C12orf56: variants seen among roughly 807,000 people sequenced by gnomAD.
C12orf56 encodes uncharacterized protein C12orf56.
In C12orf56, 71 loss-of-function variants were observed where a neutral mutation model predicts 69.9. The ratio of observed to expected loss-of-function variants is 1.02; its 90% CI spans 0.84 to 1.24. C12orf56 has a LOEUF of 1.24. Among genes scored for constraint, C12orf56 ranks in the 50% most tolerant of loss-of-function variants. The probability of loss-of-function intolerance (pLI) is 0.00; values close to 1 mark genes in which losing one functional copy is unlikely to be tolerated. For synonymous variants in C12orf56, 276 were observed against 274.1 expected, an observed-to-expected ratio of 1.01 and a Z score of -0.07; for missense variants, 732 against 738.5, an observed-to-expected ratio of 0.99 and a Z score of 0.10.
At chr12:64,358,519 C>A (rs2039354859) in intron 1 of C12orf56, among the ~76,000 whole-genome samples, 1 of 88,838 alleles carries the variant, frequency 1.1e-5, no homozygotes, top group Admixed American at 1.3e-4. Flanking sequence ...CTTGGCCAGG[C>A]ATGATGGCTC....
chr12:64,360,154 G>A (rs750998839), intron 1 of C12orf56, among the ~76,000 whole-genome samples: 28 of 152,170 alleles, frequency 1.8e-4, no homozygotes, highest in Non-Finnish European at 2.8e-4. Context: ...GGCTGGGTGC[G>A]GTGGCTCACA....
At chr12:64,364,650 A>C (rs963917072) in intron 1 of C12orf56, among the ~76,000 whole-genome samples, 2 of 152,084 alleles carry the variant, frequency 1.3e-5, no homozygotes, top group Non-Finnish European at 2.9e-5. Context: ...GTTTGTACCT[A>C]GTTTCTCTTA....
At chr12:64,307,231 G>C (rs2038525387) in intron 5 of C12orf56, among the ~76,000 whole-genome samples, 1 of 151,902 alleles carries the variant, frequency 6.6e-6, no homozygotes, top group Non-Finnish European at 1.5e-5. Flanking sequence ...TTTTAAAAAA[G>C]AAATCCTAAA....
chr12:64,359,003 T>C (rs2039361113), intron 1 of C12orf56, among the ~76,000 whole-genome samples: 1 of 152,164 alleles, frequency 6.6e-6, no homozygotes, highest in African/African-American at 2.4e-5. Context: ...CTTCACCAGA[T>C]TATTTTAAGC....
In C12orf56 at chr12:64,379,371, G is replaced by A. The variant is rs140489551; in HGVS notation, c.252+10943C>T. 3.9e-3 allele frequency among the ~76,000 whole-genome samples: 595 copies of A among 150,912 alleles called. 4 individuals are homozygous for A. The highest frequency in any genetic ancestry group is 0.014 in the African/African-American group (563 of 41,122). ...CGCATCTCTGCTCACTGCAAGCTCC[G>A]CCTCTCGGGTTCACGCCATTCTCCT... On this transcript the variant is annotated intron_variant, in intron 1 of 12. Coordinates refer to ENST00000543942, the MANE Select transcript of C12orf56 (RefSeq NM_001170633.2).
chr12:64,355,532 C>A (rs2039299609), intron 1 of C12orf56, among the ~76,000 whole-genome samples: 1 of 151,854 alleles, frequency 6.6e-6, no homozygotes, highest in African/African-American at 2.4e-5. Flanking sequence ...ATAATGAAAT[C>A]ATTATTCTGA....
At chr12:64,316,326 G>A (rs1043502144) in intron 4 of C12orf56, among the ~76,000 whole-genome samples, 7 of 152,054 alleles carry the variant, frequency 4.6e-5, no homozygotes, top group Non-Finnish European at 4.4e-5. Flanking sequence ...TCTAATTCCT[G>A]AGCTCAGGTG....
At chr12:64,364,978 C>G (rs997626642) in intron 1 of C12orf56, among the ~76,000 whole-genome samples, 1 of 151,972 alleles carries the variant, frequency 6.6e-6, no homozygotes, top group African/African-American at 2.4e-5. Context: ...AAAATTCTAT[C>G]CTTGTGGCCA....
intron 2 of C12orf56, chr12:64,338,507 T>C (rs1392957722): frequency 1.9e-6 from 2 of 1,080,980 alleles, no homozygotes; most frequent in South Asian, 2.5e-5. Context: ...CTCCAGCAAC[T>C]GGTACAAACC....
chr12:64,358,543 C>T (rs1419454459), intron 1 of C12orf56, among the ~76,000 whole-genome samples: 4 of 147,810 alleles, frequency 2.7e-5, no homozygotes, highest in Non-Finnish European at 4.5e-5. Context: ...CCTGTGATTG[C>T]AGCACTTTGG....
At chr12:64,378,042 T>G (rs2039664718) in intron 1 of C12orf56, among the ~76,000 whole-genome samples, 1 of 152,218 alleles carries the variant, frequency 6.6e-6, no homozygotes, top group African/African-American at 2.4e-5. Flanking sequence ...AAGAATATTA[T>G]CTGAGTTGTT....
At chr12:64,297,010 A>G (rs905065170) in intron 6 of C12orf56, among the ~76,000 whole-genome samples, 1 of 152,100 alleles carries the variant, frequency 6.6e-6, no homozygotes, top group Admixed American at 6.6e-5. Flanking sequence ...ATATTCTTAT[A>G]AATTACCAAG....
At chr12:64,310,609 C>A (rs76913202) in intron 5 of C12orf56, among the ~76,000 whole-genome samples, 30,018 of 151,896 alleles carry the variant, frequency 0.2, 2,992 homozygotes, top group Non-Finnish European at 0.21. Context: ...TATTTCCTTG[C>A]AGGTGGGGAG....
chr12:64,352,626 T>G (rs1473324184), intron 2 of C12orf56, among the ~76,000 whole-genome samples: 1 of 152,164 alleles, frequency 6.6e-6, no homozygotes, highest in Non-Finnish European at 1.5e-5. Context: ...CCTCGCCTCT[T>G]CAGCTCTTGC....
At chr12:64,295,910 T>C (rs2038359078) in intron 6 of C12orf56, among the ~76,000 whole-genome samples, 1 of 152,056 alleles carries the variant, frequency 6.6e-6, no homozygotes, top group African/African-American at 2.4e-5. Flanking sequence ...TTCCATCCTA[T>C]TACAGGAACC....
At chr12:64,385,699 A>ACTC (rs1245084979) in intron 1 of C12orf56, among the ~76,000 whole-genome samples, 2 of 151,412 alleles carry the variant, frequency 1.3e-5, no homozygotes, top group Non-Finnish European at 2.9e-5. Context: ...ACCAGTCACC[A>ACTC]CTCCTGACTC....
chr12:64,350,867 A>T (rs2039213247), intron 2 of C12orf56, among the ~76,000 whole-genome samples: 1 of 152,194 alleles, frequency 6.6e-6, no homozygotes, highest in South Asian at 2.1e-4. Flanking sequence ...TTTGCAAACA[A>T]CTCAGTCCTA....
At chr12:64,355,245 T>G (rs1359145658) in intron 1 of C12orf56, among the ~76,000 whole-genome samples, 1 of 152,100 alleles carries the variant, frequency 6.6e-6, no homozygotes, top group African/African-American at 2.4e-5. Context: ...ATTTATAAAA[T>G]CTAAATCAAA....
At chr12:64,338,598 G>C in intron 2 of C12orf56, 1 of 1,584,010 alleles carries the variant, frequency 6.3e-7, no homozygotes. Flanking sequence ...TTCTTCTGCT[G>C]CTCAATCTGT....
Sources: allele counts gnomAD v4.1 joint callset (sites outside exome capture counted in the v4.1 genomes callset), GRCh38; gene constraint gnomAD v4.1.1; transcripts MANE v1.5; gene names NCBI Gene and HGNC (gene_info 2026-07-23, HGNC 2026-07-21).